ZNF773: variants seen among roughly 807,000 people sequenced by gnomAD.
ZNF773 encodes the protein zinc finger protein 773, also known as zinc finger protein 419B.
Under a neutral mutation model 12.8 loss-of-function variants are expected in ZNF773, and 11 were observed. The ratio of observed to expected loss-of-function variants is 0.86; its 90% CI spans 0.54 to 1.42. The LOEUF is 1.42. Ranked by LOEUF, ZNF773 falls within the 40% of genes most tolerant of loss-of-function variation. ZNF773 has a pLI of 0.00. For missense variants in ZNF773, 518 were observed against 527.2 expected (o/e 0.98, Z 0.17); for synonymous variants, 175 against 178.4 (o/e 0.98, Z 0.15).
At chr19:57,502,936 C>A (rs1449664795) in intron 1 of ZNF773, among the ~76,000 whole-genome samples, 1 of 152,152 alleles carries the variant, frequency 6.6e-6, no homozygotes, top group Non-Finnish European at 1.5e-5. Flanking sequence ...CATGATCCGC[C>A]CGCTTTGGCC....
chr19:57,506,820 C>T lies in ZNF773; in HGVS notation c.725C>T (p.Thr242Ile), dbSNP rs760016310. Residue 242 changes from threonine to isoleucine, a missense_variant, in exon 4 of 4, where the codon ACT becomes ATT. Coordinates refer to ENST00000282292, the MANE Select transcript of ZNF773 (RefSeq NM_198542.3). The stretch of plus-strand genomic sequence containing the variant: ...CTTTTTATACACCAAATAGTTCACA[C>T]TGGAGAAAGGCCTTATGGGTGTAGT... ...SNLFIHQIVH[T>I]GERPYGCSDC... is the part of the protein sequence containing the mutation. 2.5e-6 allele frequency: 4 copies of T among 1,614,198 alleles called. No individual in the cohort carries two copies. The East Asian group carries it at 6.7e-5, about 27-fold the overall frequency.
chr19:57,508,562 T>A (rs750997114), downstream of ZNF773: 1 of 700,956 alleles, frequency 1.4e-6, no homozygotes, highest in Non-Finnish European at 2.6e-6. Context: ...ACTCAGATAT[T>A]CTGTAAGTTG....
rs1472528858 is a variant in ZNF773, at chr19:57,507,345, G to T, written c.1250G>T (p.Cys417Phe). Reference sequence around the variant, plus strand: ...CACACTGGAGCAAAGCCTTATGAGTGCAGGGAATGTGGGAAATTTTTTCGC... The same window carrying T: ...CACACTGGAGCAAAGCCTTATGAGTTCAGGGAATGTGGGAAATTTTTTCGC... ...RVHTGAKPYE[C>F]RECGKFFRHS... The change falls in exon 4 of 4, where the codon TGC (cysteine) becomes TTC (phenylalanine). Residue 417 changes from cysteine (C) to phenylalanine (F), a missense_variant. Coordinates refer to ENST00000282292, the MANE Select transcript of ZNF773 (RefSeq NM_198542.3). The T allele has an allele frequency of 3.1e-6, 5 of 1,613,562 alleles. No homozygotes were observed. The highest frequency in any genetic ancestry group is 3.4e-6 in the Non-Finnish European group (4 of 1,179,922).
chr19:57,504,950 CCTT>C, intron 2 of ZNF773, 164 bp downstream of exon 2: 3 of 1,220,272 alleles, frequency 2.5e-6, no homozygotes, highest in Non-Finnish European at 3.5e-6. Context: ...TATACTACCA[CCTT>C]CTCTCCCTGA....
intron 1 of ZNF773, among the ~76,000 whole-genome samples, chr19:57,502,884 G>T (rs1441810915): frequency 6.6e-6 from 1 of 151,960 alleles, no homozygotes; most frequent in African/African-American, 2.4e-5. Flanking sequence ...GTAGAGATGG[G>T]GTTTCACCGT....
At chr19:57,511,297 C>T (rs1054418082), downstream of ZNF773, among the ~76,000 whole-genome samples, 52 of 152,140 alleles carry the variant, frequency 3.4e-4, no homozygotes, top group African/African-American at 1.2e-3. Flanking sequence ...GTGATCTGCC[C>T]GCCTCAGCCT....
chr19:57,508,359 C>A (rs1431022169), downstream of ZNF773: 2 of 465,116 alleles, frequency 4.3e-6, no homozygotes, highest in Non-Finnish European at 5.6e-6. Context: ...TTTAATCTCA[C>A]TGAGTTTGGA....
Position 57,506,888 on chromosome 19 carries a change from C to T in ZNF773, c.793C>T (p.His265Tyr). ...SFSRNADLIQ[H>Y]QRVHTGEKPF... Reference sequence around the variant, plus strand: ...TAGCCGTAATGCTGACCTCATTCAACACCAGAGAGTTCACACTGGAGAAAA... The same window carrying T: ...TAGCCGTAATGCTGACCTCATTCAATACCAGAGAGTTCACACTGGAGAAAA... The change falls in exon 4 of 4, where the codon CAC becomes TAC. Residue 265 changes from histidine to tyrosine, a missense_variant. Transcript: ENST00000282292. 4.3e-6 allele frequency: 7 copies of T among 1,614,152 alleles called. No homozygotes were observed. The highest frequency in any genetic ancestry group is 1.7e-5 in the Admixed American group (1 of 60,022).
chr19:57,506,033 G>A (rs1198068288), intron 3 of ZNF773, among the ~76,000 whole-genome samples: 1 of 152,068 alleles, frequency 6.6e-6, no homozygotes, highest in East Asian at 1.9e-4. Flanking sequence ...TCTGGACCTG[G>A]ATATAACCTT....
chr19:57,513,688 AAG>A (rs1403957052), downstream of ZNF773: 4 of 152,226 alleles, frequency 2.6e-5, no homozygotes, highest in African/African-American at 9.6e-5. Context: ...CAGCTAGTAA[AAG>A]AGCGATTGGA....
downstream of ZNF773, chr19:57,513,966 C>G (rs757325642): frequency 6.6e-6 from 1 of 152,192 alleles, no homozygotes; most frequent in Non-Finnish European, 1.5e-5. Flanking sequence ...TTCTGTTAAT[C>G]AAAGGGAGCC....
chr19:57,506,228 C>T, intron 3 of ZNF773, 130 bp from the exon 4 acceptor site: 1 of 1,442,352 alleles, frequency 6.9e-7, no homozygotes, highest in Non-Finnish European at 9.3e-7. Flanking sequence ...CCCTTCCCCA[C>T]CAAGCGCTAG....
At position 57,507,725 on chromosome 19, in the gene ZNF773, A is replaced by C; in HGVS notation, c.*301A>C. On this transcript the variant is annotated 3_prime_UTR_variant, in exon 4 of 4. Transcript: ENST00000282292. ...GTGGTGGCTGACACCTGTTATTCTC[A>C]CCACTTTGGGAGGCTGAAGCGGGCG... 40 of 1,163,564 alleles carry C rather than the reference A, an allele frequency of 3.4e-5. No homozygotes were observed. The highest frequency in any genetic ancestry group is 4.3e-5 in the East Asian group (1 of 23,358). The allele number at this position is 1,163,564 out of a possible 1,614,324, so 72.1% of individuals were successfully genotyped here.
chr19:57,509,033 C>T (rs943957746), downstream of ZNF773, among the ~76,000 whole-genome samples: 5 of 152,198 alleles, frequency 3.3e-5, no homozygotes, highest in African/African-American at 9.7e-5. Flanking sequence ...CCCCTGGCCT[C>T]AAGTGATCAT....
chr19:57,507,713 C>G lies in ZNF773; in HGVS notation c.*289C>G. On this transcript the variant is annotated 3_prime_UTR_variant, in exon 4 of 4. Transcript: ENST00000282292. ...AAACAGCCAGGCGTGGTGGCTGACA[C>G]CTGTTATTCTCACCACTTTGGGAGG... The G allele has an allele frequency of 8.4e-7, 1 of 1,192,660 alleles. No individual in the cohort carries two copies. The highest frequency in any genetic ancestry group is 1.0e-6 in the Non-Finnish European group (1 of 962,986). The allele number at this position is 1,192,660 out of a possible 1,614,324, so 73.9% of individuals were successfully genotyped here.
At chr19:57,516,314 T>C (rs1196258202), downstream of ZNF773, 1 of 154,794 alleles carries the variant, frequency 6.5e-6, no homozygotes, top group African/African-American at 2.4e-5. Context: ...TTTATGGCCA[T>C]GCTAGCTGTA....
intron 3 of ZNF773, among the ~76,000 whole-genome samples, chr19:57,505,712 G>GTT (rs11312618): frequency 0.22 from 24,249 of 110,690 alleles, 2,609 homozygotes; most frequent in African/African-American, 0.26. Context: ...CATTCCAGTT[G>GTT]TTTTTTTTTT....
chr19:57,506,544 G>C lies in ZNF773; in HGVS notation c.449G>C (p.Arg150Thr). The C allele has an allele frequency of 6.2e-7, 1 of 1,614,186 alleles. No individual in the cohort carries two copies. The highest frequency in any genetic ancestry group is 8.5e-7 in the Non-Finnish European group (1 of 1,180,022). The change falls in exon 4 of 4, where the codon AGG becomes ACG. Residue 150 changes from arginine (R) to threonine (T), a missense_variant. Transcript: ENST00000282292. ...VHLSEKSLQS[R>T]EVGKDLLTSS... ...CTATCAGAGAAGTCCTTGCAAAGCA[G>C]GGAAGTTGGGAAGGATCTTCTGACC...
At chr19:57,500,473 T>C (rs61563761) in intron 1 of ZNF773, among the ~76,000 whole-genome samples, 134,483 of 150,622 alleles carry the variant, frequency 0.89, 59,922 homozygotes, top group South Asian at 0.92. Flanking sequence ...CCAAAGGCCC[T>C]TCAAGTCAAA....
Sources: gnomAD v4.1 joint callset for allele counts (sites outside exome capture counted in the v4.1 genomes callset) on GRCh38, gnomAD v4.1.1 for gene constraint, MANE v1.5 for transcripts, NCBI Gene and HGNC (gene_info 2026-07-23, HGNC 2026-07-21) for gene names.